PCDHA10: variants seen among roughly 807,000 people sequenced by gnomAD.
PCDHA10 encodes protocadherin alpha-10.
In PCDHA10, 45 loss-of-function variants were observed where a neutral mutation model predicts 61.2. The ratio of observed to expected loss-of-function variants is 0.74; its 90% CI spans 0.58 to 0.94. PCDHA10 has a LOEUF of 0.94. Among genes scored for constraint, PCDHA10 ranks in the 40% least tolerant of loss-of-function variants. The pLI is 0.00. For synonymous variants in PCDHA10, 602 were observed against 548.8 expected, an observed-to-expected ratio of 1.10 and a Z score of -1.35; for missense variants, 1,278 against 1,236.2, an observed-to-expected ratio of 1.03 and a Z score of -0.51.
At chr5:140,963,911 T>C (rs2095797811) in intron 1 of PCDHA10, among the ~76,000 whole-genome samples, 1 of 152,238 alleles carries the variant, frequency 6.6e-6, no homozygotes, top group African/African-American at 2.4e-5. Context: ...AAGTGAAGCT[T>C]AGGCTAAGTA....
At chr5:140,925,508 A>C (rs1244251216) in intron 1 of PCDHA10, among the ~76,000 whole-genome samples, 1 of 152,138 alleles carries the variant, frequency 6.6e-6, no homozygotes, top group African/African-American at 2.4e-5. Flanking sequence ...ATATCCACGC[A>C]AAAGACCAAA....
At chr5:140,962,665 C>T (rs1457197885) in intron 1 of PCDHA10, among the ~76,000 whole-genome samples, 1 of 152,146 alleles carries the variant, frequency 6.6e-6, no homozygotes, top group African/African-American at 2.4e-5. Flanking sequence ...TTTTCATCTT[C>T]CCATCCACTG....
At chr5:140,990,341 C>A (rs2097389083) in intron 3 of PCDHA10, among the ~76,000 whole-genome samples, 1 of 152,110 alleles carries the variant, frequency 6.6e-6, no homozygotes, top group South Asian at 2.1e-4. Flanking sequence ...ATAAGTAAAG[C>A]CTGCCCTGTA....
intron 1 of PCDHA10, among the ~76,000 whole-genome samples, chr5:140,971,045 T>C (rs2096453995): frequency 6.6e-6 from 1 of 152,090 alleles, no homozygotes; most frequent in East Asian, 1.9e-4. Context: ...CGTAAAAGGG[T>C]TTAGCTTTAA....
rs1247587764 is a variant in PCDHA10 at position 140,883,158 on chromosome 5, C to T, written c.2388+24722C>T. ...GTGGTATATGCATTTACCATAAATC[C>T]GAACAATGGAGAAATTAGGACAAAA... On this transcript the variant is annotated intron_variant, in intron 1 of 3. Coordinates refer to ENST00000307360, the MANE Select transcript of PCDHA10 (RefSeq NM_018901.4). The T allele has an allele frequency of 1.9e-6, 3 of 1,613,592 alleles. No individual in the cohort carries two copies. In the African/African-American group the frequency reaches 4.0e-5, roughly 22 times the overall value.
At chr5:140,981,457 C>T (rs910127197) in intron 2 of PCDHA10, among the ~76,000 whole-genome samples, 6 of 152,064 alleles carry the variant, frequency 3.9e-5, no homozygotes, top group African/African-American at 7.2e-5. Context: ...GCCTGTAGTC[C>T]CAGCTACTTG....
chr5:140,883,740 C>G (rs2059789153), intron 1 of PCDHA10: 1 of 1,613,368 alleles, frequency 6.2e-7, no homozygotes, highest in Non-Finnish European at 8.5e-7. Context: ...GCGCTGGTCT[C>G]CTACTCGCTG....
Position 141,010,074 on chromosome 5 carries a change from G to C in PCDHA10, c.*137G>C. 6.2e-7 allele frequency: 1 copy of C among 1,607,844 alleles called. No homozygotes were observed. Among genetic ancestry groups the C allele is most frequent in the Non-Finnish European group, 8.5e-7 (1 of 1,176,754 alleles). On this transcript the variant is annotated 3_prime_UTR_variant, in exon 4 of 4. Transcript: ENST00000307360. ...CTCAGAAATCTGCAGAAAGTTCCCT[G>C]TGTCTGTCTAGAACGCATTTAACAG...
chr5:140,879,869 T>C lies in PCDHA10; in HGVS notation c.2388+21433T>C, dbSNP rs782705975. Among the ~76,000 whole-genome samples, 13 of 152,220 alleles carry C rather than the reference T, an allele frequency of 8.5e-5. 1 individual carries two copies. The highest frequency in any genetic ancestry group is 1.5e-4 in the Non-Finnish European group (10 of 68,042). ...CCCATCTCAGCCTTCTCAGCTTTCA[T>C]GGTCACATTGCCTCCTCCTCTCCAT... On this transcript the variant is annotated intron_variant, in intron 1 of 3. Coordinates refer to ENST00000307360, the MANE Select transcript of PCDHA10 (RefSeq NM_018901.4).
At chr5:140,930,644 A>G (rs1346561903) in intron 1 of PCDHA10, among the ~76,000 whole-genome samples, 1 of 152,198 alleles carries the variant, frequency 6.6e-6, no homozygotes, top group East Asian at 1.9e-4. Context: ...AGGAAGGAAA[A>G]TGAAGCATTC....
chr5:140,967,745 G>A, intron 1 of PCDHA10: 1 of 1,614,184 alleles, frequency 6.2e-7, no homozygotes, highest in Non-Finnish European at 8.5e-7. Flanking sequence ...GGATTATGAG[G>A]AAGCCTCCTC....
chr5:141,010,201 C>G lies in PCDHA10; in HGVS notation c.*264C>G, dbSNP rs782495760. On this transcript the variant is annotated 3_prime_UTR_variant, in exon 4 of 4. Coordinates refer to ENST00000307360, the MANE Select transcript of PCDHA10 (RefSeq NM_018901.4). ...GCAGACCCAAGTTTCCTTTCTCCTC[C>G]GCCGCAAAGGAGAGGCTTCCCAGCC... 9.0e-6 allele frequency: 14 copies of G among 1,551,916 alleles called. No homozygotes were observed. Among genetic ancestry groups the G allele is most frequent in the Non-Finnish European group, 1.0e-5 (12 of 1,147,084 alleles).
At chr5:140,934,363 T>C (rs1354531260) in intron 1 of PCDHA10, among the ~76,000 whole-genome samples, 3 of 152,170 alleles carry the variant, frequency 2.0e-5, no homozygotes, top group African/African-American at 7.2e-5. Context: ...GCCACTGCTT[T>C]GACTCCTTCT....
intron 3 of PCDHA10, among the ~76,000 whole-genome samples, chr5:141,008,708 T>G (rs1197464501): frequency 1.3e-5 from 2 of 152,210 alleles, no homozygotes; most frequent in African/African-American, 4.8e-5. Flanking sequence ...GGTTTCTAGT[T>G]GCTTGAGTGT....
Position 140,857,829 on chromosome 5 carries a change from G to A in PCDHA10, c.1781G>A (p.Arg594His). The change falls in exon 1 of 4, where the codon CGC becomes CAC. Residue 594 changes from arginine (R) to histidine (H), a missense_variant. Transcript: ENST00000307360. ...VVAGHVVAKV[R>H]AVDADSGYNA... ...GCGGGTCACGTGGTGGCTAAGGTGC[G>A]CGCAGTGGACGCTGACTCTGGATAC... The A allele has an allele frequency of 1.9e-6, 3 of 1,597,788 alleles. No individual in the cohort carries two copies. Among genetic ancestry groups the A allele is most frequent in the Non-Finnish European group, 2.6e-6 (3 of 1,167,522 alleles).
rs781793178 is a variant in PCDHA10 at position 140,857,329 on chromosome 5, G to A, written c.1281G>A (p.Arg427=). The part of the protein sequence containing the change: ...VSAYELVVTA[R]DGGSPPLWAT... ...CCTATGAGCTGGTGGTGACCGCGCGGGACGGGGGCTCGCCTCCGCTGTGGG... is the reference window on the plus strand; with the variant it reads ...CCTATGAGCTGGTGGTGACCGCGCGAGACGGGGGCTCGCCTCCGCTGTGGG... Residue 427 remains arginine, a synonymous_variant, in exon 1 of 4, where the codon CGG becomes CGA. Coordinates refer to ENST00000307360, the MANE Select transcript of PCDHA10 (RefSeq NM_018901.4). 1.7e-5 allele frequency: 27 copies of A among 1,598,568 alleles called. 1 individual carries two copies. In the South Asian group the frequency reaches 2.9e-4, roughly 17 times the overall value.
At chr5:140,966,860 T>TTGC (rs148181752) in intron 1 of PCDHA10, 11 of 1,577,372 alleles carry the variant, frequency 7.0e-6, no homozygotes, top group Non-Finnish European at 9.4e-6. Flanking sequence ...CCTGCTGCTG[T>TTGC]TGCTGCTGCT....
rs1461628453 is a variant in PCDHA10, at chr5:140,856,526, G to C, written c.478G>C (p.Asp160His). The change falls in exon 1 of 4, where the codon GAT becomes CAT. Residue 160 changes from aspartate to histidine, a missense_variant. Physicochemically the swap from Asp to His is moderately conservative, Grantham distance 81. Transcript: ENST00000307360. ...TCCACTAGAAGGCGCATCTGATGCG[G>C]ATGTTGGAGAGAACGCATTGCTTAC... ...RFPLEGASDA[D>H]VGENALLTYK... The C allele has an allele frequency of 6.3e-7, 1 of 1,598,340 alleles. No individual in the cohort carries two copies. Among genetic ancestry groups the C allele is most frequent in the Non-Finnish European group, 8.6e-7 (1 of 1,167,888 alleles).
At chr5:140,971,892 G>T in intron 1 of PCDHA10, among the ~76,000 whole-genome samples, 1 of 151,812 alleles carries the variant, frequency 6.6e-6, no homozygotes, top group African/African-American at 2.4e-5. Context: ...AGCTCAGGGA[G>T]GTTAGGTAAT....
Sources: allele counts gnomAD v4.1 joint callset (sites outside exome capture counted in the v4.1 genomes callset), GRCh38; gene constraint gnomAD v4.1.1; transcripts MANE v1.5; gene names NCBI Gene and HGNC (gene_info 2026-07-23, HGNC 2026-07-21).